The following FLYWCH2 variants were observed in gnomAD, a reference collection of about 807,000 sequenced individuals.
The protein encoded by FLYWCH2 is FLYWCH family member 2.
In FLYWCH2, 2 loss-of-function variants were observed where a neutral mutation model predicts 6.0. The ratio of observed to expected loss-of-function variants is 0.33; its 90% CI spans 0.14 to 1.04. The LOEUF (loss-of-function observed/expected upper bound fraction) is 1.04. FLYWCH2 is among the 50% of genes least tolerant of loss of function. The pLI is 0.45. For missense variants in FLYWCH2, 192 were observed against 183.4 expected (o/e 1.05, Z -0.27); for synonymous variants, 87 against 79.3 (o/e 1.10, Z -0.52).
chr16:2,894,203 C>T (rs2069791570), intron 1 of FLYWCH2, among the ~76,000 whole-genome samples: 1 of 152,068 alleles, frequency 6.6e-6, no homozygotes, highest in African/African-American at 2.4e-5. Context: ...CCCTGCCAGC[C>T]TTGTGGGGAC....
At chr16:2,889,209 CTTTTT>C (rs1329641985) in intron 1 of FLYWCH2, among the ~76,000 whole-genome samples, 1 of 126,392 alleles carries the variant, frequency 7.9e-6, no homozygotes. Flanking sequence ...CTAACCTTTA[CTTTTT>C]TTTTTTTTTT....
In FLYWCH2 at chr16:2,896,360, C is replaced by T. The variant is rs1418981638; in HGVS notation, c.-90C>T. 20 of 1,460,812 alleles carry T rather than the reference C, an allele frequency of 1.4e-5. No homozygotes were observed. The highest frequency in any genetic ancestry group is 2.8e-5 in the African/African-American group (2 of 70,718). 90.5% of individuals were successfully genotyped at this position (1,460,812 alleles called of 1,614,324 possible). ...TTTGCTTCCTTCCTTAGGACGGAAC[C>T]GCTGGACTCCAGGTTCCTTGCCTGG... On this transcript the variant is annotated 5_prime_UTR_variant, in exon 3 of 4. Coordinates refer to ENST00000396958, the MANE Select transcript of FLYWCH2 (RefSeq NM_138439.3).
intron 1 of FLYWCH2, among the ~76,000 whole-genome samples, chr16:2,892,981 T>C (rs1378645203): frequency 7.3e-6 from 1 of 136,922 alleles, no homozygotes; most frequent in Non-Finnish European, 1.6e-5. Flanking sequence ...ATATATATTA[T>C]ATATGTCACA....
chr16:2,899,124 C>T lies in FLYWCH2; in HGVS notation c.398C>T (p.Ser133Phe), dbSNP rs753626721. The T allele has an allele frequency of 1.2e-6, 2 of 1,613,576 alleles. No homozygotes were observed. Among genetic ancestry groups the T allele is most frequent in the South Asian group, 1.1e-5 (1 of 90,994 alleles). The change falls in exon 4 of 4, where the codon TCT becomes TTT. Residue 133 changes from serine to phenylalanine, a missense_variant. Physicochemically the swap from Ser to Phe is radical, Grantham distance 155. Transcript: ENST00000396958. ...EAAGENFAPCSVAPGKSL is the reference protein window; with the variant it reads ...EAAGENFAPCFVAPGKSL The stretch of plus-strand genomic sequence containing the variant: ...GCTGGGGAGAACTTTGCCCCCTGCT[C>T]TGTGGCGCCCGGCAAGTCCCTGTAA...
At chr16:2,890,548 G>C (rs2069745372) in intron 1 of FLYWCH2, among the ~76,000 whole-genome samples, 1 of 151,814 alleles carries the variant, frequency 6.6e-6, no homozygotes, top group African/African-American at 2.4e-5. Context: ...CCGAGTAGCT[G>C]GGATTACAGG....
intron 1 of FLYWCH2, among the ~76,000 whole-genome samples, chr16:2,889,203 C>G (rs375820346): frequency 1.1e-4 from 16 of 149,150 alleles, no homozygotes; most frequent in Admixed American, 1.3e-4. Flanking sequence ...GTTCTTCTAA[C>G]CTTTACTTTT....
rs1358232911 is a variant in FLYWCH2 at position 2,893,661 on chromosome 16, G to A, written c.-199-1559G>A. Among the ~76,000 whole-genome samples, 3 of 133,670 alleles carry A rather than the reference G, an allele frequency of 2.2e-5. No homozygotes were observed. In the East Asian group the frequency reaches 6.5e-4, roughly 29 times the overall value. The allele number at this position is 133,670 out of a possible 152,430, so 87.7% of individuals were successfully genotyped here. On this transcript the variant is annotated intron_variant, in intron 1 of 3. Transcript: ENST00000396958. ...TTTTTTTTTTTTTTTTTTTTGAAACGGATTCTCGCTCTGTCGCCCAGGCTG... is the reference window on the plus strand; with the variant it reads ...TTTTTTTTTTTTTTTTTTTTGAAACAGATTCTCGCTCTGTCGCCCAGGCTG...
chr16:2,891,079 A>AAGG (rs2069751781), intron 1 of FLYWCH2, among the ~76,000 whole-genome samples: 1 of 152,154 alleles, frequency 6.6e-6, no homozygotes, highest in African/African-American at 2.4e-5. Flanking sequence ...AATCCCGACC[A>AAGG]CTGGCTTCCA....
At chr16:2,894,940 G>A (rs1001716238) in intron 1 of FLYWCH2, among the ~76,000 whole-genome samples, 6 of 152,190 alleles carry the variant, frequency 3.9e-5, no homozygotes, top group African/African-American at 1.2e-4. Flanking sequence ...CCCAGGTTGG[G>A]GAATCGGCCC....
In FLYWCH2 at chr16:2,886,138, G is replaced by A. The variant is rs371683396; in HGVS notation, c.-200+2772G>A. Among the ~76,000 whole-genome samples the A allele has an allele frequency of 6.2e-4, 95 of 152,036 alleles. 3 individuals carry two copies. In the South Asian group the frequency reaches 0.013, roughly 21 times the overall value. On this transcript the variant is annotated intron_variant, in intron 1 of 3. Transcript: ENST00000396958. ...ATTAGCCATTTGTATATCTTCTTTAGAGAAAAGCCTGTTTGGAGCCTTTGC... is the reference window on the plus strand; with the variant it reads ...ATTAGCCATTTGTATATCTTCTTTAAAGAAAAGCCTGTTTGGAGCCTTTGC...
intron 1 of FLYWCH2, among the ~76,000 whole-genome samples, chr16:2,891,854 C>A (rs891588070): frequency 6.6e-6 from 1 of 151,936 alleles, no homozygotes; most frequent in Non-Finnish European, 1.5e-5. Context: ...GTTGCTATGA[C>A]CCCTTCCTTG....
At chr16:2,891,181 A>G (rs1284639554) in intron 1 of FLYWCH2, among the ~76,000 whole-genome samples, 3 of 152,186 alleles carry the variant, frequency 2.0e-5, no homozygotes. Context: ...GCTCTGGACC[A>G]GGCCTCCATC....
intron 3 of FLYWCH2, among the ~76,000 whole-genome samples, chr16:2,897,628 C>T (rs1596340164): frequency 6.6e-6 from 1 of 152,224 alleles, no homozygotes; most frequent in East Asian, 1.9e-4. Flanking sequence ...GGGATGAGAG[C>T]AGGGCTGCCC....
chr16:2,893,620 CCTTTT>C (rs1164722462), intron 1 of FLYWCH2, among the ~76,000 whole-genome samples: 1 of 149,622 alleles, frequency 6.7e-6, no homozygotes, highest in Non-Finnish European at 1.5e-5. Flanking sequence ...ACTTTGGGGC[CCTTTT>C]CTTTTCTTCT....
chr16:2,896,759 A>G lies in FLYWCH2; in HGVS notation c.310A>G (p.Arg104Gly). The change falls in exon 3 of 4, where the codon AGG (arginine) becomes GGG (glycine). Residue 104 changes from arginine (R) to glycine (G), a missense_variant. Physicochemically the swap from Arg to Gly is moderately radical, Grantham distance 125 (BLOSUM62 -2). Coordinates refer to ENST00000396958, the MANE Select transcript of FLYWCH2 (RefSeq NM_138439.3). ...APQEPEQKRS[R>G]QDPGTDRTED... ...TCAGGAGCCTGAGCAGAAACGGAGC[A>G]GGCAGGACCCAGGTGAGGCTCCACA... is the stretch of plus-strand genomic sequence containing the variant. The G allele has an allele frequency of 1.2e-6, 2 of 1,610,294 alleles. No homozygotes were observed. The highest frequency in any genetic ancestry group is 2.2e-5 in the East Asian group (1 of 44,862).
chr16:2,894,560 A>G (rs1401185419), intron 1 of FLYWCH2, among the ~76,000 whole-genome samples: 1 of 152,204 alleles, frequency 6.6e-6, no homozygotes, highest in African/African-American at 2.4e-5. Flanking sequence ...TGTGAGGCAG[A>G]TGAGCAGAGC....
chr16:2,897,030 G>A (rs2069831257), intron 3 of FLYWCH2: 1 of 562,516 alleles, frequency 1.8e-6, no homozygotes, highest in Middle Eastern at 4.6e-4. Flanking sequence ...TCCTTCACAA[G>A]GGAGGGTCTG....
At chr16:2,887,309 CTTTCT>C (rs141707442) in intron 1 of FLYWCH2, among the ~76,000 whole-genome samples, 55,486 of 118,166 alleles carry the variant, frequency 0.47, 10,912 homozygotes, top group Non-Finnish European at 0.53. Context: ...CCATGCCCGG[CTTTCT>C]TTTTTTTTTT....
rs567101178 is a variant in FLYWCH2, at chr16:2,898,694, G to A, written c.323-355G>A. On this transcript the variant is annotated intron_variant, in intron 3 of 3. Coordinates refer to ENST00000396958, the MANE Select transcript of FLYWCH2 (RefSeq NM_138439.3). ...AAGGCAGAGCAGGGCTCCATCAGGC[G>A]CCAGGGGTCCCGCAGGCAATCACCC... 5.6e-4 allele frequency: 116 copies of A among 208,172 alleles called. 3 individuals are homozygous for A. In the South Asian group the frequency reaches 0.013, roughly 23 times the overall value. The allele number at this position is 208,172 out of a possible 1,614,324, so 12.9% of individuals were successfully genotyped here. A position where few individuals can be genotyped will look rare whatever the true frequency, so the allele number is the denominator to read the frequency against.
Sources: gnomAD v4.1 joint callset for allele counts (sites outside exome capture counted in the v4.1 genomes callset) on GRCh38, gnomAD v4.1.1 for gene constraint, MANE v1.5 for transcripts, NCBI Gene and HGNC (gene_info 2026-07-23, HGNC 2026-07-21) for gene names.